The following KHDRBS2 variants were observed in gnomAD, a reference collection of about 807,000 sequenced individuals.
KHDRBS2 encodes KH domain-containing, RNA-binding, signal transduction-associated protein 2.
In KHDRBS2, 26 loss-of-function variants were observed where a neutral mutation model predicts 44.3. The ratio of observed to expected loss-of-function variants is 0.59; its 90% CI spans 0.43 to 0.81. The LOEUF is 0.81. KHDRBS2 is among the 40% of genes least tolerant of loss of function. The pLI, the probability that KHDRBS2 is intolerant of heterozygous loss-of-function variation, is 0.00. For synonymous variants in KHDRBS2, 194 were observed against 151.1 expected (o/e 1.28, Z -2.08); for missense variants, 476 against 433.1 (o/e 1.10, Z -0.88).
At position 62,248,670 on chromosome 6, in the gene KHDRBS2, G is replaced by A. The variant is rs563445853; in HGVS notation, c.91+37188C>T. Among the ~76,000 whole-genome samples, 3 of 152,134 alleles carry A rather than the reference G, an allele frequency of 2.0e-5. No homozygotes were observed. The South Asian group carries it at 6.2e-4, about 32-fold the overall frequency. ...ACCTTGAATTATTGAAGATATTAGTGTCTTCAATATTAATGAGGGCATTGT... is the reference window on the plus strand; with the variant it reads ...ACCTTGAATTATTGAAGATATTAGTATCTTCAATATTAATGAGGGCATTGT... On this transcript the variant is annotated intron_variant, in intron 1 of 8. Transcript: ENST00000281156.
At chr6:61,736,150 G>T (rs1397125567) in intron 6 of KHDRBS2, among the ~76,000 whole-genome samples, 1 of 134,830 alleles carries the variant, frequency 7.4e-6, no homozygotes, top group African/African-American at 2.8e-5. Context: ...GAGTCTTCTC[G>T]GTTGGCACAG....
chr6:61,892,818 T>G (rs1583367153), intron 6 of KHDRBS2, among the ~76,000 whole-genome samples: 1 of 152,098 alleles, frequency 6.6e-6, no homozygotes, highest in African/African-American at 2.4e-5. Context: ...AACCTAGGCA[T>G]TACCATTCAG....
At chr6:62,225,543 G>T (rs181469638) in intron 1 of KHDRBS2, among the ~76,000 whole-genome samples, 104 of 152,148 alleles carry the variant, frequency 6.8e-4, no homozygotes, top group African/African-American at 2.4e-3. Context: ...TTTACTTTAA[G>T]TCCCAGGAGG....
At chr6:61,884,752 T>C (rs1156501892) in intron 6 of KHDRBS2, among the ~76,000 whole-genome samples, 1 of 150,920 alleles carries the variant, frequency 6.6e-6, no homozygotes, top group Non-Finnish European at 1.5e-5. Flanking sequence ...CAACACTAAC[T>C]TGGTTCTAGC....
chr6:61,966,791 G>A (rs1297384467), intron 4 of KHDRBS2, among the ~76,000 whole-genome samples: 4 of 151,792 alleles, frequency 2.6e-5, no homozygotes, highest in African/African-American at 7.3e-5. Flanking sequence ...TTAGCTTCCT[G>A]GCTCAGACAT....
At chr6:61,777,222 G>C (rs1478267663) in intron 6 of KHDRBS2, among the ~76,000 whole-genome samples, 1 of 152,014 alleles carries the variant, frequency 6.6e-6, no homozygotes, top group Non-Finnish European at 1.5e-5. Flanking sequence ...ACACCAACAT[G>C]GCACATGTAT....
chr6:62,044,676 AC>A (rs1562712486), intron 3 of KHDRBS2, among the ~76,000 whole-genome samples: 1 of 151,942 alleles, frequency 6.6e-6, no homozygotes, highest in Non-Finnish European at 1.5e-5. Flanking sequence ...AAGAGTGCCG[AC>A]CCAGGCTTTG....
At chr6:61,828,479 T>C (rs1372872865) in intron 6 of KHDRBS2, among the ~76,000 whole-genome samples, 1 of 152,212 alleles carries the variant, frequency 6.6e-6, no homozygotes, top group Admixed American at 6.5e-5. Flanking sequence ...GTATGGTTAA[T>C]TTTTATCAAT....
At chr6:61,897,625 C>T (rs1346607717) in intron 5 of KHDRBS2, among the ~76,000 whole-genome samples, 2 of 152,172 alleles carry the variant, frequency 1.3e-5, no homozygotes, top group South Asian at 2.1e-4. Flanking sequence ...CCTGTCTATT[C>T]CAAATGCTGC....
At chr6:62,239,509 G>A (rs764178253) in intron 1 of KHDRBS2, among the ~76,000 whole-genome samples, 11 of 151,988 alleles carry the variant, frequency 7.2e-5, no homozygotes, top group African/African-American at 2.4e-4. Context: ...GGAGGCGGAC[G>A]TTGCCGTGAG....
chr6:61,769,763 G>A lies in KHDRBS2; in HGVS notation c.811-36999C>T, dbSNP rs1046967810. ...CTGTAGGCTCCACCTCTGGGGGCAG[G>A]GCACAGACAAACAAAAAGACAGCAG... On this transcript the variant is annotated intron_variant, in intron 6 of 8. Transcript: ENST00000281156. Among the ~76,000 whole-genome samples, 5 of 152,310 alleles carry A rather than the reference G, an allele frequency of 3.3e-5. No individual in the cohort carries two copies. In the Middle Eastern group the frequency reaches 0.01, roughly 311 times the overall value.
chr6:62,243,784 C>G (rs927379324), intron 1 of KHDRBS2, among the ~76,000 whole-genome samples: 1 of 151,956 alleles, frequency 6.6e-6, no homozygotes, highest in Admixed American at 6.6e-5. Context: ...ATGTCATCAC[C>G]AACACTGCAG....
At chr6:61,608,337 T>C in the KHDRBS2 span, among the ~76,000 whole-genome samples, 1 of 5,298 alleles carries the variant, frequency 1.9e-4, no homozygotes, top group African/African-American at 4.6e-4. Flanking sequence ...TACATATGTG[T>C]GTGTGTGTGT....
chr6:61,965,916 G>GTGTA (rs1769820410), intron 4 of KHDRBS2, among the ~76,000 whole-genome samples: 2 of 151,930 alleles, frequency 1.3e-5, no homozygotes, highest in Non-Finnish European at 2.9e-5. Flanking sequence ...CCTCACCTTT[G>GTGTA]TGTATATTCT....
chr6:62,126,269 A>G (rs1279130288), intron 2 of KHDRBS2, among the ~76,000 whole-genome samples: 1 of 152,166 alleles, frequency 6.6e-6, no homozygotes, highest in African/African-American at 2.4e-5. Flanking sequence ...TTATATGAAA[A>G]AAGGAGGGAA....
chr6:61,575,859 G>A, the KHDRBS2 span, among the ~76,000 whole-genome samples: 1 of 152,204 alleles, frequency 6.6e-6, no homozygotes, highest in South Asian at 2.1e-4. Flanking sequence ...AGGTAAAAAA[G>A]ACCAAATATC....
intron 7 of KHDRBS2, among the ~76,000 whole-genome samples, chr6:61,703,875 T>C (rs1275228488): frequency 1.3e-5 from 2 of 151,876 alleles, no homozygotes; most frequent in African/African-American, 4.8e-5. Context: ...AGTACTGTTG[T>C]ATTATCTGCT....
chr6:61,651,370 G>C, the KHDRBS2 span, among the ~76,000 whole-genome samples: 1 of 152,016 alleles, frequency 6.6e-6, no homozygotes, highest in African/African-American at 2.4e-5. Context: ...TATGTTTTAT[G>C]TACATCTTAT....
chr6:62,001,946 C>T (rs1279184433), intron 3 of KHDRBS2, among the ~76,000 whole-genome samples: 2 of 152,044 alleles, frequency 1.3e-5, no homozygotes, highest in Non-Finnish European at 2.9e-5. Context: ...TTTCAAGAAG[C>T]AAGTGAACTT....
Sources: allele counts gnomAD v4.1 joint callset (sites outside exome capture counted in the v4.1 genomes callset), GRCh38; gene constraint gnomAD v4.1.1; transcripts MANE v1.5; gene names NCBI Gene and HGNC (gene_info 2026-07-23, HGNC 2026-07-21).